Variants in MSI2 observed in about 807,000 individuals in gnomAD.
MSI2 encodes musashi RNA binding protein 2.
A neutral mutation model predicts 45.6 loss-of-function variants in MSI2; 17 were observed. That is an observed-to-expected ratio of 0.37 (90% CI 0.26 to 0.56). The LOEUF is 0.56. MSI2 is among the 20% of genes least tolerant of loss of function. The pLI is 0.77. For missense variants in MSI2, 293 were observed against 444.2 expected (o/e 0.66, Z 3.06); for synonymous variants, 156 against 158.2 (o/e 0.99, Z 0.11).
intron 5 of MSI2, among the ~76,000 whole-genome samples, chr17:57,324,257 G>A (rs985036299): frequency 3.3e-5 from 5 of 152,214 alleles, no homozygotes; most frequent in Admixed American, 1.3e-4. Context: ...GCAGCGCCCC[G>A]CCGGAGCCCA....
intron 8 of MSI2, among the ~76,000 whole-genome samples, chr17:57,602,196 T>C (rs1334768357): frequency 6.6e-6 from 1 of 152,154 alleles, no homozygotes; most frequent in South Asian, 2.1e-4. Flanking sequence ...CTTAGAACAT[T>C]ATGAGATTTT....
chr17:57,444,578 C>T (rs1877745221), intron 6 of MSI2: 1 of 151,384 alleles, frequency 6.6e-6, no homozygotes, highest in Non-Finnish European at 1.5e-5. Flanking sequence ...AAGACTCCGT[C>T]TCAAAAGAAA....
In MSI2 at chr17:57,680,799, T is replaced by G. The variant is rs914653637; in HGVS notation, c.*1282T>G. 1 of 211,224 alleles carries G rather than the reference T, an allele frequency of 4.7e-6. No homozygotes were observed. Among genetic ancestry groups the G allele is most frequent in the Non-Finnish European group, 9.6e-6 (1 of 104,148 alleles). The allele number at this position is 211,224 out of a possible 1,614,324, so 13.1% of individuals were successfully genotyped here. ...GGACATTCTTTTTCAGTCTTAATTT[T>G]TAAATATTTGATCATTTTCTATTGT... On this transcript the variant is annotated 3_prime_UTR_variant, in exon 14 of 14. Transcript: ENST00000284073.
intron 7 of MSI2, among the ~76,000 whole-genome samples, chr17:57,539,112 G>C (rs117957046): frequency 6.6e-6 from 1 of 151,900 alleles, no homozygotes; most frequent in African/African-American, 2.4e-5. Context: ...TTTTTTATGG[G>C]GAAGAGAATT....
At chr17:57,485,190 T>C (rs1048174681) in intron 6 of MSI2, among the ~76,000 whole-genome samples, 2 of 152,202 alleles carry the variant, frequency 1.3e-5, no homozygotes. Context: ...TGGCCTGGAC[T>C]ATTCTAGTCT....
intron 5 of MSI2, among the ~76,000 whole-genome samples, chr17:57,360,894 A>G (rs2143899032): frequency 2.0e-5 from 3 of 152,380 alleles, no homozygotes; most frequent in Middle Eastern, 6.8e-3. Context: ...GGATGCGTAG[A>G]TGCCACATGG....
chr17:57,698,618 C>T, the MSI2 span, among the ~76,000 whole-genome samples: 13 of 152,102 alleles, frequency 8.5e-5, no homozygotes, highest in Non-Finnish European at 1.0e-4. Flanking sequence ...CTGGGCCTTC[C>T]GCTGTCTTGG....
At chr17:57,325,916 G>A (rs528971604) in intron 5 of MSI2, among the ~76,000 whole-genome samples, 2 of 152,116 alleles carry the variant, frequency 1.3e-5, no homozygotes, top group East Asian at 1.9e-4. Flanking sequence ...CTTAGACTGC[G>A]CTCCATGACC....
In MSI2 at chr17:57,358,078, G is replaced by A. The variant is rs577129924; in HGVS notation, c.313-43301G>A. Among the ~76,000 whole-genome samples, 7 of 152,292 alleles carry A rather than the reference G, an allele frequency of 4.6e-5. No individual in the cohort carries two copies. The South Asian group carries it at 1.5e-3, about 32-fold the overall frequency. ...CACTTGGCAGGCTTGGCTCCCACGGGGAGTTGCAAAGCTTGCAGTTATAGA... is the reference window on the plus strand; with the variant it reads ...CACTTGGCAGGCTTGGCTCCCACGGAGAGTTGCAAAGCTTGCAGTTATAGA... On this transcript the variant is annotated intron_variant, in intron 5 of 13. Coordinates refer to ENST00000284073, the MANE Select transcript of MSI2 (RefSeq NM_138962.4).
rs1290836365 is a variant in MSI2, at chr17:57,454,434, CTTTCTTTTTTTTTTTTTT to C, written c.405+52967_405+52984del. 2.1e-5 allele frequency among the ~76,000 whole-genome samples: 3 copies of C among 140,006 alleles called. No individual in the cohort carries two copies. The East Asian group carries it at 6.3e-4, about 29-fold the overall frequency. 91.8% of individuals were successfully genotyped at this position (140,006 alleles called of 152,430 possible). A position where few individuals can be genotyped will look rare whatever the true frequency, so the allele number is the denominator to read the frequency against. On this transcript the variant is annotated intron_variant, in intron 6 of 13. Coordinates refer to ENST00000284073, the MANE Select transcript of MSI2 (RefSeq NM_138962.4). Reference sequence around the variant, plus strand: ...CCTCTCTCTCTCTTTTTCTTTTTCTCTTTCTTTTTTTTTTTTTTTTTGAGATGGATTCTCGCTCTGTCT... The same window carrying C: ...CCTCTCTCTCTCTTTTTCTTTTTCTCTTTGAGATGGATTCTCGCTCTGTCT...
At chr17:57,690,762 A>G in the MSI2 span, among the ~76,000 whole-genome samples, 1 of 152,212 alleles carries the variant, frequency 6.6e-6, no homozygotes, top group African/African-American at 2.4e-5. Context: ...ATGTTTTTCA[A>G]ATAGCAAAAG....
intron 5 of MSI2, among the ~76,000 whole-genome samples, chr17:57,320,309 G>C (rs1335729690): frequency 1.3e-5 from 2 of 152,168 alleles, no homozygotes; most frequent in African/African-American, 4.8e-5. Flanking sequence ...CTATCACAGG[G>C]ACAGGGATGG....
chr17:57,271,692 C>T (rs998231741), intron 5 of MSI2, among the ~76,000 whole-genome samples: 18 of 150,114 alleles, frequency 1.2e-4, no homozygotes, highest in African/African-American at 3.9e-4. Context: ...TACCCTCCAC[C>T]GAAATGAATT....
chr17:57,304,458 T>C (rs535409965), intron 5 of MSI2, among the ~76,000 whole-genome samples: 1 of 148,448 alleles, frequency 6.7e-6, no homozygotes, highest in Admixed American at 6.7e-5. Flanking sequence ...AGTCTCACTC[T>C]ATCTCCCAGG....
At chr17:57,368,384 C>T (rs965443922) in intron 5 of MSI2, among the ~76,000 whole-genome samples, 2 of 151,880 alleles carry the variant, frequency 1.3e-5, no homozygotes, top group Non-Finnish European at 1.5e-5. Context: ...GGCAAAACAC[C>T]GTCTCTACTA....
chr17:57,578,358 T>A (rs2088106959), intron 7 of MSI2, among the ~76,000 whole-genome samples: 1 of 152,126 alleles, frequency 6.6e-6, no homozygotes, highest in African/African-American at 2.4e-5. Context: ...TAGGGGATCA[T>A]CTTTAAATTA....
chr17:57,579,183 A>C (rs1173104678), intron 7 of MSI2, among the ~76,000 whole-genome samples: 1 of 152,248 alleles, frequency 6.6e-6, no homozygotes, highest in African/African-American at 2.4e-5. Flanking sequence ...TTGGTAATAA[A>C]CTAAGGAAAG....
intron 6 of MSI2, among the ~76,000 whole-genome samples, chr17:57,430,128 G>A (rs1023483321): frequency 1.3e-5 from 2 of 152,178 alleles, no homozygotes; most frequent in Non-Finnish European, 2.9e-5. Flanking sequence ...AATGTCTTGA[G>A]GTTGTTAGCG....
At chr17:57,532,065 C>T (rs1389530071) in intron 7 of MSI2, 1 of 152,440 alleles carries the variant, frequency 6.6e-6, no homozygotes, top group Non-Finnish European at 1.5e-5. Context: ...CTCCAGGAGT[C>T]CTGGTGGGCA....
Sources: gnomAD v4.1 joint callset for allele counts (sites outside exome capture counted in the v4.1 genomes callset) on GRCh38, gnomAD v4.1.1 for gene constraint, MANE v1.5 for transcripts, NCBI Gene and HGNC (gene_info 2026-07-23, HGNC 2026-07-21) for gene names.